The following RBFOX1 variants were observed in gnomAD, a reference collection of about 807,000 sequenced individuals.
The protein encoded by RBFOX1 is RNA binding fox-1 homolog 1.
A neutral mutation model predicts 57.7 loss-of-function variants in RBFOX1; 8 were observed. That is an observed-to-expected ratio of 0.14 (90% CI 0.08 to 0.25). The LOEUF is 0.25. Among genes scored for constraint, RBFOX1 ranks in the 10% least tolerant of loss-of-function variants. The pLI, the probability that RBFOX1 is intolerant of heterozygous loss-of-function variation, is 1.00. For synonymous variants in RBFOX1, 326 were observed against 222.4 expected, an observed-to-expected ratio of 1.47 and a Z score of -4.15; for missense variants, 611 against 548.5, an observed-to-expected ratio of 1.11 and a Z score of -1.14.
chr16:7,511,859 G>A (rs533527883), intron 4 of RBFOX1, among the ~76,000 whole-genome samples: 52 of 148,352 alleles, frequency 3.5e-4, no homozygotes, highest in Admixed American at 6.7e-4. Context: ...TTGTGCAGCA[G>A]CAATAGTGGG....
intron 3 of RBFOX1, among the ~76,000 whole-genome samples, chr16:6,825,906 G>T (rs72766768): frequency 6.6e-6 from 1 of 152,136 alleles, no homozygotes; most frequent in Admixed American, 6.5e-5. Context: ...TTTAGGAATC[G>T]TGTGACTTTA....
rs188435853 is a variant in RBFOX1, at chr16:6,860,636, A to G, written c.-15-191421A>G. 4.6e-5 allele frequency among the ~76,000 whole-genome samples: 7 copies of G among 152,324 alleles called. 1 individual carries two copies. Among genetic ancestry groups the G allele is most frequent in the African/African-American group, 1.4e-4 (6 of 41,576 alleles). On this transcript the variant is annotated intron_variant, in intron 3 of 15. Coordinates refer to ENST00000550418, the MANE Select transcript of RBFOX1 (RefSeq NM_018723.4). ...AACATTAGGAAGACAACAATCAACC[A>G]GACATTAATTGTCCACCAATAGGGA...
intron 2 of RBFOX1, among the ~76,000 whole-genome samples, chr16:6,396,232 C>T (rs1001216751): frequency 1.3e-5 from 2 of 151,964 alleles, no homozygotes; most frequent in African/African-American, 4.8e-5. Context: ...CATAAGTAGG[C>T]AGAAATTGAA....
At chr16:7,185,302 C>T (rs1567613398) in intron 4 of RBFOX1, among the ~76,000 whole-genome samples, 1 of 151,970 alleles carries the variant, frequency 6.6e-6, no homozygotes, top group Non-Finnish European at 1.5e-5. Context: ...CCTAATGATT[C>T]TACTGTACCC....
chr16:6,800,249 G>T (rs1170066570), intron 3 of RBFOX1, among the ~76,000 whole-genome samples: 1 of 145,870 alleles, frequency 6.9e-6, no homozygotes, highest in Non-Finnish European at 1.5e-5. Flanking sequence ...GACTGTCCCA[G>T]TTTTAGCACT....
At chr16:7,231,908 T>A (rs2093517303) in intron 4 of RBFOX1, among the ~76,000 whole-genome samples, 1 of 152,148 alleles carries the variant, frequency 6.6e-6, no homozygotes, top group Admixed American at 6.5e-5. Flanking sequence ...AGGAAGGGGT[T>A]GGGGAATAAC....
intron 1 of RBFOX1, among the ~76,000 whole-genome samples, chr16:6,311,218 C>T (rs1001061547): frequency 1.4e-5 from 2 of 144,002 alleles, no homozygotes; most frequent in Non-Finnish European, 3.0e-5. Flanking sequence ...ATCTCTTGAA[C>T]ACAGGAGGCA....
At chr16:6,015,960 T>A (rs1470928596), upstream of RBFOX1, among the ~76,000 whole-genome samples, 1 of 152,228 alleles carries the variant, frequency 6.6e-6, no homozygotes, top group Admixed American at 6.5e-5. Flanking sequence ...GAAGGATGCA[T>A]GTTTGATGAC....
chr16:7,113,417 A>C (rs911858317), intron 4 of RBFOX1, among the ~76,000 whole-genome samples: 1 of 152,114 alleles, frequency 6.6e-6, no homozygotes, highest in Non-Finnish European at 1.5e-5. Flanking sequence ...CTTCTTTCTC[A>C]TCTACTTGCC....
At chr16:6,965,127 A>G (rs966630485) in intron 3 of RBFOX1, among the ~76,000 whole-genome samples, 6 of 151,606 alleles carry the variant, frequency 4.0e-5, no homozygotes, top group African/African-American at 1.2e-4. Flanking sequence ...CTCTGCCTCC[A>G]TGGTTCTCGG....
At chr16:7,687,504 C>T (rs1031509163) in intron 14 of RBFOX1, among the ~76,000 whole-genome samples, 3 of 152,022 alleles carry the variant, frequency 2.0e-5, no homozygotes, top group African/African-American at 4.8e-5. Flanking sequence ...TGTGAGTCAA[C>T]TCTTTGGTAA....
intron 3 of RBFOX1, among the ~76,000 whole-genome samples, chr16:5,845,708 A>G (rs184317442): frequency 4.6e-5 from 7 of 152,352 alleles, no homozygotes; most frequent in Admixed American, 2.0e-4. Flanking sequence ...CCAGTTCTCA[A>G]TAACACTGGA....
At chr16:5,795,652 C>T (rs2054852879) in intron 3 of RBFOX1, among the ~76,000 whole-genome samples, 2 of 152,172 alleles carry the variant, frequency 1.3e-5, no homozygotes, top group Non-Finnish European at 1.5e-5. Context: ...CCTGACCACT[C>T]TTCTTCCAAA....
At chr16:6,561,246 G>C (rs1202882443) in intron 2 of RBFOX1, among the ~76,000 whole-genome samples, 2 of 152,124 alleles carry the variant, frequency 1.3e-5, no homozygotes, top group African/African-American at 4.8e-5. Context: ...ATTCACGGGG[G>C]CAGGGGCTGT....
At chr16:7,150,306 C>A (rs1459357589) in intron 4 of RBFOX1, among the ~76,000 whole-genome samples, 3 of 152,148 alleles carry the variant, frequency 2.0e-5, no homozygotes, top group South Asian at 2.1e-4. Flanking sequence ...TCTTTATGGA[C>A]CTCTTTGTAT....
intron 4 of RBFOX1, among the ~76,000 whole-genome samples, chr16:7,160,364 C>G (rs1266014283): frequency 6.6e-6 from 1 of 152,102 alleles, no homozygotes; most frequent in African/African-American, 2.4e-5. Flanking sequence ...ACGAATAAAC[C>G]AGACTTTGTT....
intron 5 of RBFOX1, among the ~76,000 whole-genome samples, chr16:7,578,633 T>C (rs1285129317): frequency 6.6e-6 from 1 of 152,112 alleles, no homozygotes; most frequent in Non-Finnish European, 1.5e-5. Context: ...AATTATGTAC[T>C]TCTAGATTGC....
chr16:7,410,980 C>CT (rs1237116516), intron 4 of RBFOX1, among the ~76,000 whole-genome samples: 1 of 152,112 alleles, frequency 6.6e-6, no homozygotes, highest in Non-Finnish European at 1.5e-5. Context: ...GAGTCTCACT[C>CT]TGTCACCCAG....
At chr16:7,150,467 C>G (rs1350464969) in intron 4 of RBFOX1, among the ~76,000 whole-genome samples, 1 of 152,196 alleles carries the variant, frequency 6.6e-6, no homozygotes, top group Non-Finnish European at 1.5e-5. Flanking sequence ...CCACAACTTC[C>G]ACCATTATTA....
Sources: allele counts gnomAD v4.1 joint callset (sites outside exome capture counted in the v4.1 genomes callset), GRCh38; gene constraint gnomAD v4.1.1; transcripts MANE v1.5; gene names NCBI Gene and HGNC (gene_info 2026-07-23, HGNC 2026-07-21).